The following ITIH5 variants were observed in gnomAD, a reference collection of about 807,000 sequenced individuals.
The protein encoded by ITIH5 is inter-alpha-trypsin inhibitor heavy chain 5.
Under a neutral mutation model 77.5 loss-of-function variants are expected in ITIH5, and 65 were observed. The observed-to-expected ratio is 0.84, with a 90% CI of 0.69 to 1.03. ITIH5 has a LOEUF of 1.03. Ranked by LOEUF, ITIH5 falls within the 50% of genes least tolerant of loss-of-function variation. The pLI, the probability that ITIH5 is intolerant of heterozygous loss-of-function variation, is 0.00. For missense variants in ITIH5, 1,208 were observed against 1,213.1 expected (o/e 1.00, Z 0.06); for synonymous variants, 525 against 494.3 (o/e 1.06, Z -0.82).
chr10:7,657,773 T>C (rs1027966337), intron 1 of ITIH5, among the ~76,000 whole-genome samples: 5 of 152,248 alleles, frequency 3.3e-5, no homozygotes, highest in African/African-American at 4.8e-5. Flanking sequence ...AAGTTATGAA[T>C]GTAAGTAACA....
In ITIH5 at chr10:7,636,040, A is replaced by G. The variant is rs529163236; in HGVS notation, c.652+1188T>C. Among the ~76,000 whole-genome samples the G allele has an allele frequency of 3.9e-4, 60 of 152,330 alleles. No individual in the cohort carries two copies. In the East Asian group the frequency reaches 0.011, roughly 27 times the overall value. On this transcript the variant is annotated intron_variant, in intron 5 of 13. Coordinates refer to ENST00000397146, the MANE Select transcript of ITIH5 (RefSeq NM_030569.7). ...TGAACATTCCTGTCTCATCCAATTC[A>G]ACACTGACCAGCCTTACTGGTATAT...
intron 7 of ITIH5, among the ~76,000 whole-genome samples, chr10:7,600,964 C>T (rs554960408): frequency 1.3e-5 from 2 of 152,152 alleles, no homozygotes; most frequent in African/African-American, 4.8e-5. Flanking sequence ...AAATAGATTT[C>T]GTTGTTTATA....
chr10:7,602,371 C>A (rs1047551400), intron 7 of ITIH5, among the ~76,000 whole-genome samples: 3 of 152,206 alleles, frequency 2.0e-5, no homozygotes, highest in Admixed American at 1.3e-4. Flanking sequence ...TGTCCCCACC[C>A]GAATCTCACC....
At chr10:7,645,954 A>C (rs1834003834) in intron 2 of ITIH5, among the ~76,000 whole-genome samples, 1 of 152,236 alleles carries the variant, frequency 6.6e-6, no homozygotes, top group South Asian at 2.1e-4. Context: ...TATCTTTCAA[A>C]AAAAGAACCC....
intron 11 of ITIH5, chr10:7,571,320 A>C (rs1226916248): frequency 1.3e-5 from 2 of 152,186 alleles, no homozygotes; most frequent in African/African-American, 4.8e-5. Context: ...CGGATACTAA[A>C]ATCCACGCGT....
At chr10:7,652,708 T>C (rs987104971) in intron 2 of ITIH5, among the ~76,000 whole-genome samples, 4 of 152,146 alleles carry the variant, frequency 2.6e-5, no homozygotes, top group Admixed American at 2.0e-4. Context: ...AAACATAAAC[T>C]ACTTATTACT....
intron 7 of ITIH5, among the ~76,000 whole-genome samples, chr10:7,589,525 A>G (rs1161339853): frequency 2.0e-5 from 3 of 152,152 alleles, no homozygotes; most frequent in African/African-American, 7.2e-5. Context: ...AACATATTTC[A>G]TTAAACCCAC....
intron 1 of ITIH5, among the ~76,000 whole-genome samples, chr10:7,656,453 G>C (rs758106886): frequency 1.3e-5 from 2 of 152,158 alleles, no homozygotes; most frequent in South Asian, 2.1e-4. Flanking sequence ...GGGTTCAAGC[G>C]AACTTCTCAC....
intron 10 of ITIH5, 144 bp downstream of exon 10, chr10:7,576,309 C>A: frequency 1.3e-6 from 1 of 753,840 alleles, no homozygotes. Context: ...CAGGTGTGAG[C>A]TACTATACCC....
intron 7 of ITIH5, among the ~76,000 whole-genome samples, chr10:7,604,408 C>T (rs1005806358): frequency 6.6e-6 from 1 of 152,208 alleles, no homozygotes; most frequent in Non-Finnish European, 1.5e-5. Flanking sequence ...AAGCCTCAGG[C>T]CCGAGGACCC....
At chr10:7,579,215 G>A (rs192118428) in intron 9 of ITIH5, among the ~76,000 whole-genome samples, 11 of 152,326 alleles carry the variant, frequency 7.2e-5, no homozygotes, top group African/African-American at 2.6e-4. Flanking sequence ...AGAAAACGGA[G>A]GTACAGACTG....
At chr10:7,614,023 A>G (rs1295480206) in intron 7 of ITIH5, among the ~76,000 whole-genome samples, 3 of 152,224 alleles carry the variant, frequency 2.0e-5, no homozygotes, top group Non-Finnish European at 2.9e-5. Flanking sequence ...CTATTTCTAC[A>G]AACAGATTTT....
chr10:7,586,300 C>T (rs1014069374), intron 7 of ITIH5, among the ~76,000 whole-genome samples: 2 of 152,152 alleles, frequency 1.3e-5, no homozygotes, highest in Admixed American at 6.5e-5. Context: ...TGCCGCATCC[C>T]GCCACGGTAC....
At chr10:7,611,570 T>A (rs1001625036) in intron 7 of ITIH5, among the ~76,000 whole-genome samples, 2 of 152,246 alleles carry the variant, frequency 1.3e-5, no homozygotes, top group African/African-American at 2.4e-5. Flanking sequence ...ATTTCTTTAA[T>A]TACTAATATG....
intron 1 of ITIH5, among the ~76,000 whole-genome samples, chr10:7,658,088 A>T (rs145297872): frequency 6.6e-6 from 1 of 152,366 alleles, no homozygotes; most frequent in East Asian, 1.9e-4. Flanking sequence ...GTAACAAAAC[A>T]CTATATGTAA....
At chr10:7,571,302 GA>G (rs1401446936) in intron 11 of ITIH5, 1 of 152,086 alleles carries the variant, frequency 6.6e-6, no homozygotes, top group Admixed American at 6.6e-5. Context: ...TTAGTTCCAG[GA>G]CCCCCGCGGA....
chr10:7,628,799 CTG>C lies in ITIH5; in HGVS notation c.652+8427_652+8428del, dbSNP rs374112307. ...CGTGTGTCCATGTTATCATATGTAT[CTG>C]TGTTTTTGCATGTGTCCATGTTGTA... On this transcript the variant is annotated intron_variant, in intron 5 of 13. Transcript: ENST00000397146. 2.9e-5 allele frequency among the ~76,000 whole-genome samples: 4 copies of C among 137,120 alleles called. 1 individual carries two copies. The highest frequency in any genetic ancestry group is 3.7e-3 in the Middle Eastern group (1 of 270). The allele number at this position is 137,120 out of a possible 152,430, so 90.0% of individuals were successfully genotyped here. A position where few individuals can be genotyped will look rare whatever the true frequency, so the allele number is the denominator to read the frequency against.
In ITIH5 at chr10:7,616,033, C is replaced by A; in HGVS notation, c.888G>T (p.Val296=). 1 of 1,613,822 alleles carries A rather than the reference C, an allele frequency of 6.2e-7. No homozygotes were observed. The highest frequency in any genetic ancestry group is 8.5e-7 in the Non-Finnish European group (1 of 1,179,734). Reference sequence around the variant, plus strand: ...AAGCACTGCTGTCAAGCACGAATACCACATTCTTGGGTAAAGGAGGAAGGT... The same window carrying A: ...AAGCACTGCTGTCAAGCACGAATACAACATTCTTGGGTAAAGGAGGAAGGT... ...PKDLPPLPKN[V]VFVLDSSASM... Residue 296 remains valine (V), a synonymous_variant, in exon 7 of 14, where the codon GTG becomes GTT. Transcript: ENST00000397146.
chr10:7,603,262 G>A (rs1305465961), intron 7 of ITIH5, among the ~76,000 whole-genome samples: 2 of 152,318 alleles, frequency 1.3e-5, no homozygotes, highest in East Asian at 3.9e-4. Context: ...CTGAACCTGG[G>A]AGGTATCATG....
Sources: gnomAD v4.1 joint callset for allele counts (sites outside exome capture counted in the v4.1 genomes callset) on GRCh38, gnomAD v4.1.1 for gene constraint, MANE v1.5 for transcripts, NCBI Gene and HGNC (gene_info 2026-07-23, HGNC 2026-07-21) for gene names.